Variants in GPHN observed in about 807,000 individuals in gnomAD.
GPHN encodes the protein gephyrin.
A neutral mutation model predicts 95.5 loss-of-function variants in GPHN; 17 were observed. That is an observed-to-expected ratio of 0.18 (90% CI 0.12 to 0.27). GPHN has a LOEUF of 0.27. Ranked by LOEUF, GPHN falls within the 10% of genes least tolerant of loss-of-function variation. The pLI is 1.00. For synonymous variants in GPHN, 320 were observed against 322.5 expected, an observed-to-expected ratio of 0.99 and a Z score of 0.08; for missense variants, 660 against 978.1, an observed-to-expected ratio of 0.67 and a Z score of 4.34.
the GPHN span, among the ~76,000 whole-genome samples, chr14:67,427,966 G>A: frequency 1.3e-5 from 2 of 149,368 alleles, no homozygotes; most frequent in Non-Finnish European, 3.0e-5. Flanking sequence ...CTGCTGCCCA[G>A]GCTGGAGTAC....
intron 18 of GPHN, among the ~76,000 whole-genome samples, chr14:67,150,127 TATA>T (rs1351313636): frequency 6.6e-6 from 1 of 152,148 alleles, no homozygotes; most frequent in Non-Finnish European, 1.5e-5. Context: ...ACTGACATAC[TATA>T]AAACATAATA....
intron 9 of GPHN, among the ~76,000 whole-genome samples, chr14:67,011,306 C>CT (rs1463426522): frequency 6.6e-6 from 1 of 151,666 alleles, no homozygotes; most frequent in East Asian, 1.9e-4. Flanking sequence ...GGCACAGTGG[C>CT]TTATGCGTGT....
rs567543647 is a variant in GPHN at position 66,522,087 on chromosome 14, T to C, written c.64+13496T>C. The stretch of plus-strand genomic sequence containing the variant: ...AAGTTAGGGTGTGGCAATCAATGGC[T>C]TAAACCTAGGCCCCTGTGATGTGAA... On this transcript the variant is annotated intron_variant, in intron 1 of 22. Coordinates refer to ENST00000478722, the MANE Select transcript of GPHN (RefSeq NM_020806.5). 2.0e-5 allele frequency among the ~76,000 whole-genome samples: 3 copies of C among 152,286 alleles called. No individual in the cohort carries two copies. In the East Asian group the frequency reaches 5.8e-4, roughly 29 times the overall value.
intron 16 of GPHN, among the ~76,000 whole-genome samples, chr14:67,120,724 T>C (rs1374143931): frequency 6.6e-6 from 1 of 152,242 alleles, no homozygotes; most frequent in Non-Finnish European, 1.5e-5. Context: ...ATAATCACTT[T>C]AATAACTGTG....
the GPHN span, chr14:67,542,013 G>T: frequency 6.3e-7 from 1 of 1,581,184 alleles, no homozygotes; most frequent in South Asian, 1.2e-5. Flanking sequence ...TCAGAGCAGG[G>T]AGCTGCCTCT....
chr14:66,957,158 A>G (rs186028030), intron 8 of GPHN, among the ~76,000 whole-genome samples: 1 of 146,832 alleles, frequency 6.8e-6, no homozygotes, highest in African/African-American at 2.5e-5. Context: ...ATTTCCACAT[A>G]CTTGTAAATT....
chr14:67,699,589 CAAA>C, the GPHN span, among the ~76,000 whole-genome samples: 1 of 50,804 alleles, frequency 2.0e-5, no homozygotes, highest in Non-Finnish European at 3.7e-5. Flanking sequence ...GACCCTATCT[CAAA>C]AAAAAAAAAA....
chr14:67,571,306 GTTTTT>G, the GPHN span: 2 of 165,202 alleles, frequency 1.2e-5, no homozygotes, highest in African/African-American at 4.8e-5. Flanking sequence ...ACACACTAGA[GTTTTT>G]TCCCCCATCT....
intron 1 of GPHN, among the ~76,000 whole-genome samples, chr14:66,562,077 A>C (rs1356663535): frequency 7.2e-5 from 11 of 152,310 alleles, no homozygotes; most frequent in African/African-American, 2.4e-4. Flanking sequence ...GGGCCAACAC[A>C]GATAATCCAA....
intron 1 of GPHN, among the ~76,000 whole-genome samples, chr14:66,607,566 A>G (rs992044827): frequency 7.2e-5 from 11 of 151,930 alleles, no homozygotes; most frequent in African/African-American, 2.2e-4. Flanking sequence ...GAATATTTTC[A>G]GTAGGATTGG....
the GPHN span, among the ~76,000 whole-genome samples, chr14:67,240,520 A>T: frequency 1.3e-5 from 2 of 152,226 alleles, no homozygotes; most frequent in Admixed American, 1.3e-4. Context: ...GAGGTCGATT[A>T]ACAAACCTTG....
the GPHN span, among the ~76,000 whole-genome samples, chr14:67,445,500 C>T: frequency 1.6e-4 from 24 of 147,944 alleles, no homozygotes; most frequent in Admixed American, 1.3e-3. Context: ...GGTTCAGAAG[C>T]GGTATTAGGA....
At chr14:67,712,746 GT>G in the GPHN span, among the ~76,000 whole-genome samples, 3 of 152,126 alleles carry the variant, frequency 2.0e-5, no homozygotes, top group Admixed American at 1.3e-4. Context: ...AACCTAGGCT[GT>G]TGTGATAGGG....
the GPHN span, among the ~76,000 whole-genome samples, chr14:67,276,283 T>TC: frequency 6.6e-6 from 1 of 152,242 alleles, no homozygotes; most frequent in Non-Finnish European, 1.5e-5. Flanking sequence ...GTTCCCATTG[T>TC]CCCATCCAGC....
chr14:67,092,124 G>T (rs186264301), intron 12 of GPHN, among the ~76,000 whole-genome samples: 56 of 152,160 alleles, frequency 3.7e-4, no homozygotes, highest in Admixed American at 7.9e-4. Context: ...GAACTATGCT[G>T]AATTTTCCAG....
At chr14:67,205,008 C>A in the GPHN span, 32 of 1,558,174 alleles carry the variant, frequency 2.1e-5, no homozygotes, top group Middle Eastern at 1.7e-4. Context: ...AAGTCACAGA[C>A]AGCTCTGATA....
chr14:67,513,345 T>C, the GPHN span, among the ~76,000 whole-genome samples: 1 of 152,196 alleles, frequency 6.6e-6, no homozygotes, highest in African/African-American at 2.4e-5. Context: ...GGCCTAGCTG[T>C]GCTTCTCTGG....
At chr14:66,827,774 C>A (rs1566987917) in intron 4 of GPHN, among the ~76,000 whole-genome samples, 1 of 151,968 alleles carries the variant, frequency 6.6e-6, no homozygotes, top group Non-Finnish European at 1.5e-5. Flanking sequence ...CATATTTGAT[C>A]TCTTCCATCT....
the GPHN span, among the ~76,000 whole-genome samples, chr14:67,446,629 G>C: frequency 6.6e-6 from 1 of 152,310 alleles, no homozygotes; most frequent in African/African-American, 2.4e-5. Context: ...CCCTTCTGAT[G>C]AGCCATTAGG....
Sources: gnomAD v4.1 joint callset for allele counts (sites outside exome capture counted in the v4.1 genomes callset) on GRCh38, gnomAD v4.1.1 for gene constraint, MANE v1.5 for transcripts, NCBI Gene and HGNC (gene_info 2026-07-23, HGNC 2026-07-21) for gene names.